SPIDR: variants seen among roughly 807,000 people sequenced by gnomAD.
SPIDR encodes scaffold protein involved in DNA repair.
In SPIDR, 93 loss-of-function variants were observed where a neutral mutation model predicts 104.6. That is an observed-to-expected ratio of 0.89 (90% CI 0.75 to 1.06). The LOEUF (loss-of-function observed/expected upper bound fraction) is 1.06, where lower values mean the gene tolerates loss of function less well. Among genes scored for constraint, SPIDR ranks in the 50% least tolerant of loss-of-function variants. The pLI is 0.00. For synonymous variants in SPIDR, 431 were observed against 416.9 expected (o/e 1.03, Z -0.41); for missense variants, 1,154 against 1,111.2 (o/e 1.04, Z -0.55).
At chr8:47,511,781 G>T (rs1186381153) in intron 8 of SPIDR, 8 of 1,261,216 alleles carry the variant, frequency 6.3e-6, no homozygotes, top group Non-Finnish European at 9.3e-6. Flanking sequence ...CCTTTAAAGA[G>T]ATCATCCACC....
chr8:47,467,319 A>C (rs557935853), intron 8 of SPIDR, among the ~76,000 whole-genome samples: 1 of 152,318 alleles, frequency 6.6e-6, no homozygotes, highest in South Asian at 2.1e-4. Flanking sequence ...TACTGAAACT[A>C]TTCCGAAAAA....
intron 7 of SPIDR, among the ~76,000 whole-genome samples, chr8:47,417,905 G>T (rs2064659848): frequency 2.0e-5 from 3 of 152,020 alleles, no homozygotes; most frequent in Admixed American, 2.0e-4. Context: ...TCTTGTTTTT[G>T]TCAGCTTTGT....
At chr8:47,438,176 A>G (rs1346156947) in intron 7 of SPIDR, among the ~76,000 whole-genome samples, 6 of 152,208 alleles carry the variant, frequency 3.9e-5, no homozygotes, top group Non-Finnish European at 7.3e-5. Context: ...CAGCTGGCAC[A>G]CTTGAACTTG....
At chr8:47,437,157 A>T (rs1366198649) in intron 7 of SPIDR, among the ~76,000 whole-genome samples, 2 of 151,944 alleles carry the variant, frequency 1.3e-5, no homozygotes, top group Non-Finnish European at 2.9e-5. Context: ...GGTTAGTTAC[A>T]TATGTATACA....
At chr8:47,306,390 C>T (rs2043101606) in intron 5 of SPIDR, among the ~76,000 whole-genome samples, 1 of 152,218 alleles carries the variant, frequency 6.6e-6, no homozygotes, top group South Asian at 2.1e-4. Context: ...ATCCGCCCAC[C>T]TCAGCCTCAC....
At position 47,678,461 on chromosome 8, in the gene SPIDR, A is replaced by G. The variant is rs144466618; in HGVS notation, c.1685+4520A>G. ...GCTCTCAGGAGCTGTGGCACATGCCAGGAGCACAAAACAGCTCACTTCCTC... is the reference window on the plus strand; with the variant it reads ...GCTCTCAGGAGCTGTGGCACATGCCGGGAGCACAAAACAGCTCACTTCCTC... On this transcript the variant is annotated intron_variant, in intron 11 of 19. Coordinates refer to ENST00000297423, the MANE Select transcript of SPIDR (RefSeq NM_001080394.4). Among the ~76,000 whole-genome samples, 26 of 152,352 alleles carry G rather than the reference A, an allele frequency of 1.7e-4. 1 individual carries two copies. Among genetic ancestry groups the G allele is most frequent in the African/African-American group, 6.0e-4 (25 of 41,572 alleles).
intron 10 of SPIDR, among the ~76,000 whole-genome samples, chr8:47,627,956 T>C (rs1300196354): frequency 3.3e-5 from 5 of 152,224 alleles, no homozygotes; most frequent in Non-Finnish European, 5.9e-5. Context: ...TTACGCAGGA[T>C]GAAGGGCTTC....
chr8:47,569,495 G>A (rs1372173475), intron 8 of SPIDR, among the ~76,000 whole-genome samples: 1 of 152,098 alleles, frequency 6.6e-6, no homozygotes, highest in East Asian at 1.9e-4. Flanking sequence ...CATTTTCCAG[G>A]ATAGATTATT....
At chr8:47,588,423 T>C (rs904219635) in intron 8 of SPIDR, among the ~76,000 whole-genome samples, 1 of 151,986 alleles carries the variant, frequency 6.6e-6, no homozygotes, top group Non-Finnish European at 1.5e-5. Context: ...AATTTTTGTG[T>C]GTGTTGGTTT....
intron 5 of SPIDR, among the ~76,000 whole-genome samples, chr8:47,324,550 T>C (rs1249993515): frequency 2.0e-5 from 3 of 152,204 alleles, no homozygotes; most frequent in African/African-American, 7.2e-5. Flanking sequence ...GTTTTATCTT[T>C]TTTAGAAGTC....
intron 10 of SPIDR, among the ~76,000 whole-genome samples, chr8:47,635,848 T>C (rs1459614396): frequency 6.6e-6 from 1 of 152,138 alleles, no homozygotes; most frequent in Non-Finnish European, 1.5e-5. Flanking sequence ...TGGGTGAAAA[T>C]TGGGCAGACA....
At chr8:47,712,632 A>T in intron 14 of SPIDR, 30 bp from the exon 15 acceptor site, 1 of 1,593,494 alleles carries the variant, frequency 6.3e-7, no homozygotes, top group African/African-American at 1.4e-5. Flanking sequence ...TGGTATAATA[A>T]TTAATCTTTA....
intron 8 of SPIDR, among the ~76,000 whole-genome samples, chr8:47,497,431 C>A (rs1484794845): frequency 2.0e-5 from 3 of 152,116 alleles, no homozygotes; most frequent in Non-Finnish European, 4.4e-5. Flanking sequence ...AAAGTATTTT[C>A]TAATGTCCCT....
intron 3 of SPIDR, among the ~76,000 whole-genome samples, chr8:47,287,441 TC>T (rs2039058292): frequency 6.6e-6 from 1 of 152,106 alleles, no homozygotes; most frequent in Non-Finnish European, 1.5e-5. Flanking sequence ...GGATTTTTTT[TC>T]CCCACCCTAA....
chr8:47,325,192 C>CA (rs1250839017), intron 5 of SPIDR, among the ~76,000 whole-genome samples: 3 of 151,784 alleles, frequency 2.0e-5, no homozygotes, highest in Non-Finnish European at 2.9e-5. Flanking sequence ...ATTTTTTAAG[C>CA]AAAAAAATAA....
chr8:47,522,652 A>G (rs2084353669), intron 8 of SPIDR, among the ~76,000 whole-genome samples: 1 of 152,236 alleles, frequency 6.6e-6, no homozygotes, highest in Admixed American at 6.5e-5. Flanking sequence ...GGGATGCACA[A>G]TATTCCATTG....
chr8:47,306,014 C>T (rs2043030423), intron 5 of SPIDR, among the ~76,000 whole-genome samples: 1 of 152,228 alleles, frequency 6.6e-6, no homozygotes, highest in East Asian at 1.9e-4. Flanking sequence ...AACCACCATT[C>T]TACTTTGTGT....
At chr8:47,625,824 A>G (rs2065987365) in intron 10 of SPIDR, among the ~76,000 whole-genome samples, 1 of 152,224 alleles carries the variant, frequency 6.6e-6, no homozygotes, top group Admixed American at 6.5e-5. Flanking sequence ...AAGGTAATTT[A>G]TAGATTCAGT....
chr8:47,363,351 G>GC (rs2056505113), intron 5 of SPIDR, among the ~76,000 whole-genome samples: 1 of 149,658 alleles, frequency 6.7e-6, no homozygotes, highest in African/African-American at 2.5e-5. Flanking sequence ...GACTACAGGC[G>GC]CCCGCCGCTA....
Sources: allele counts gnomAD v4.1 joint callset (sites outside exome capture counted in the v4.1 genomes callset), GRCh38; gene constraint gnomAD v4.1.1; transcripts MANE v1.5; gene names NCBI Gene and HGNC (gene_info 2026-07-23, HGNC 2026-07-21).